Variants in GABRG3 observed in about 807,000 individuals in gnomAD.
The protein encoded by GABRG3 is gamma-aminobutyric acid type A receptor subunit gamma3, also known as gamma-aminobutyric acid receptor subunit gamma-3.
GABRG3 carries 25 observed loss-of-function variants against 48.8 expected under a neutral mutation model. That is an observed-to-expected ratio of 0.51 (90% CI 0.37 to 0.72). The LOEUF is 0.72. Ranked by LOEUF, GABRG3 falls within the 30% of genes least tolerant of loss-of-function variation. GABRG3 has a pLI of 0.00. For missense variants in GABRG3, 394 were observed against 577.9 expected, an observed-to-expected ratio of 0.68 and a Z score of 3.26; for synonymous variants, 227 against 217.6, an observed-to-expected ratio of 1.04 and a Z score of -0.38.
chr15:27,204,926 T>A (rs1050023516), intron 3 of GABRG3, among the ~76,000 whole-genome samples: 1 of 152,182 alleles, frequency 6.6e-6, no homozygotes, highest in African/African-American at 2.4e-5. Flanking sequence ...GTTTATTGGA[T>A]CTACGAGTCT....
intron 3 of GABRG3, chr15:27,271,415 A>G (rs1891083466): frequency 3.9e-5 from 15 of 381,136 alleles, no homozygotes; most frequent in South Asian, 2.7e-4. Context: ...GGAGCTGCGC[A>G]AGCTGGTATG....
chr15:27,021,684 A>T (rs2140677828), intron 2 of GABRG3, among the ~76,000 whole-genome samples: 1 of 152,176 alleles, frequency 6.6e-6, no homozygotes, highest in South Asian at 2.1e-4. Context: ...CTACAAAAAA[A>T]ATTAAAAAAT....
intron 2 of GABRG3, among the ~76,000 whole-genome samples, chr15:26,987,926 T>C (rs1238838118): frequency 6.6e-6 from 1 of 152,200 alleles, no homozygotes; most frequent in African/African-American, 2.4e-5. Flanking sequence ...ACCAATGTAG[T>C]ATTTAGTGTG....
At chr15:27,413,106 TAGAACAA>T in intron 5 of GABRG3, among the ~76,000 whole-genome samples, 1 of 152,206 alleles carries the variant, frequency 6.6e-6, no homozygotes, top group East Asian at 1.9e-4. Flanking sequence ...ATAATCTCTT[TAGAACAA>T]ACAGCAAGTA....
At chr15:27,219,923 T>C (rs190144579) in intron 3 of GABRG3, among the ~76,000 whole-genome samples, 56 of 152,296 alleles carry the variant, frequency 3.7e-4, no homozygotes, top group African/African-American at 1.3e-3. Context: ...TCACCAGCAA[T>C]AGAGGAGGGT....
At chr15:27,073,794 G>A (rs1215641540) in intron 3 of GABRG3, among the ~76,000 whole-genome samples, 3 of 152,110 alleles carry the variant, frequency 2.0e-5, no homozygotes, top group Admixed American at 6.5e-5. Flanking sequence ...TTGGGGTGTC[G>A]GCCCTGGCTG....
At chr15:27,177,150 G>A (rs1233212997) in intron 3 of GABRG3, among the ~76,000 whole-genome samples, 1 of 152,112 alleles carries the variant, frequency 6.6e-6, no homozygotes, top group Non-Finnish European at 1.5e-5. Flanking sequence ...CACAGGAGTG[G>A]CAACACTGTC....
At chr15:27,137,028 G>A (rs538745664) in intron 3 of GABRG3, among the ~76,000 whole-genome samples, 1 of 152,152 alleles carries the variant, frequency 6.6e-6, no homozygotes, top group African/African-American at 2.4e-5. Context: ...AGCTCTCGCC[G>A]CTCCAGCCCA....
chr15:27,227,422 T>C (rs1889659460), intron 3 of GABRG3, among the ~76,000 whole-genome samples: 1 of 152,062 alleles, frequency 6.6e-6, no homozygotes, highest in South Asian at 2.1e-4. Context: ...CACCTGAGCC[T>C]TAGGACATTG....
intron 6 of GABRG3, among the ~76,000 whole-genome samples, chr15:27,513,311 G>C (rs367702890): frequency 6.6e-6 from 1 of 152,058 alleles, no homozygotes; most frequent in South Asian, 2.1e-4. Flanking sequence ...TTAGCCAGGC[G>C]TGGTGGTGGG....
At chr15:27,357,013 A>G (rs1894863933) in intron 5 of GABRG3, among the ~76,000 whole-genome samples, 2 of 152,256 alleles carry the variant, frequency 1.3e-5, no homozygotes, top group South Asian at 4.1e-4. Context: ...TTTTCATAAT[A>G]GAATGTCATA....
chr15:27,440,420 G>A (rs906624897), intron 5 of GABRG3, among the ~76,000 whole-genome samples: 3 of 152,060 alleles, frequency 2.0e-5, no homozygotes, highest in Non-Finnish European at 4.4e-5. Context: ...AACCATTTGC[G>A]CCTTCTGGCT....
intron 5 of GABRG3, among the ~76,000 whole-genome samples, chr15:27,370,760 A>T (rs1254850147): frequency 6.6e-6 from 1 of 152,140 alleles, no homozygotes; most frequent in Admixed American, 6.5e-5. Context: ...TGAAGTGAGC[A>T]CTCTGGCACA....
chr15:27,237,040 A>G (rs923587762), intron 3 of GABRG3, among the ~76,000 whole-genome samples: 8 of 152,236 alleles, frequency 5.3e-5, no homozygotes, highest in Non-Finnish European at 1.2e-4. Context: ...GCGATTCTTC[A>G]GTTGACACTC....
At chr15:27,017,711 G>T (rs1307212243) in intron 2 of GABRG3, among the ~76,000 whole-genome samples, 1 of 152,224 alleles carries the variant, frequency 6.6e-6, no homozygotes, top group Admixed American at 6.5e-5. Flanking sequence ...GGGGACTTCT[G>T]TGTGGCTGGC....
intron 6 of GABRG3, among the ~76,000 whole-genome samples, chr15:27,484,003 C>T (rs112721576): frequency 1.3e-5 from 2 of 152,034 alleles, no homozygotes; most frequent in East Asian, 1.9e-4. Context: ...GGCACGATCT[C>T]GACTCACTGC....
intron 5 of GABRG3, among the ~76,000 whole-genome samples, chr15:27,347,038 C>T (rs890696352): frequency 1.3e-5 from 2 of 150,644 alleles, no homozygotes; most frequent in African/African-American, 2.4e-5. Context: ...CTAGACACAC[C>T]GTGAGGTAAA....
intron 3 of GABRG3, among the ~76,000 whole-genome samples, chr15:27,314,152 A>G (rs1893129668): frequency 6.6e-6 from 1 of 152,144 alleles, no homozygotes; most frequent in Admixed American, 6.6e-5. Context: ...AAGCTTTTGC[A>G]CAACAAAGGA....
intron 3 of GABRG3, among the ~76,000 whole-genome samples, chr15:27,063,832 A>G (rs78158117): frequency 0.028 from 4,323 of 152,228 alleles, 171 homozygotes; most frequent in East Asian, 0.2. Flanking sequence ...AATGAGCAAC[A>G]CAAGCTGTTC....
Sources: gnomAD v4.1 joint callset for allele counts (sites outside exome capture counted in the v4.1 genomes callset) on GRCh38, gnomAD v4.1.1 for gene constraint, MANE v1.5 for transcripts, NCBI Gene and HGNC (gene_info 2026-07-23, HGNC 2026-07-21) for gene names.